The following TMC5 variants were observed in gnomAD, a reference collection of about 807,000 sequenced individuals.
TMC5 encodes the protein transmembrane channel like 5.
A neutral mutation model predicts 110.5 loss-of-function variants in TMC5; 86 were observed. That is an observed-to-expected ratio of 0.78 (90% CI 0.65 to 0.93). The LOEUF is 0.93. Among genes scored for constraint, TMC5 ranks in the 40% least tolerant of loss-of-function variants. The pLI, the probability that TMC5 is intolerant of heterozygous loss-of-function variation, is 0.00. For missense variants in TMC5, 1,144 were observed against 1,222.8 expected, an observed-to-expected ratio of 0.94 and a Z score of 0.96; for synonymous variants, 455 against 439.5, an observed-to-expected ratio of 1.04 and a Z score of -0.44.
intron 2 of TMC5, among the ~76,000 whole-genome samples, chr16:19,437,441 G>A (rs1490694414): frequency 6.6e-6 from 1 of 152,142 alleles, no homozygotes; most frequent in Non-Finnish European, 1.5e-5. Flanking sequence ...TGCTGTGCAG[G>A]GACACAATAA....
chr16:19,441,172 C>T (rs1043567187), intron 3 of TMC5, among the ~76,000 whole-genome samples: 1 of 152,136 alleles, frequency 6.6e-6, no homozygotes, highest in Non-Finnish European at 1.5e-5. Flanking sequence ...GCTCATAAAT[C>T]CAAACACTTT....
At chr16:19,438,423 A>AAG (rs368486492) in intron 2 of TMC5, among the ~76,000 whole-genome samples, 4,610 of 36,624 alleles carry the variant, frequency 0.13, 148 homozygotes, top group African/African-American at 0.25. Flanking sequence ...AAAGAAAAGA[A>AAG]AAAGAAAGAA....
intron 4 of TMC5, among the ~76,000 whole-genome samples, chr16:19,448,771 A>AATAT (rs556878865): frequency 0.071 from 10,340 of 146,478 alleles, 738 homozygotes; most frequent in African/African-American, 0.18. Context: ...AACATATAAA[A>AATAT]ATAAATATAT....
intron 2 of TMC5, among the ~76,000 whole-genome samples, chr16:19,434,096 T>A (rs57319472): frequency 9.4e-5 from 2 of 21,246 alleles, no homozygotes; most frequent in African/African-American, 3.0e-4. Context: ...TATATATCTA[T>A]AATATATATA....
chr16:19,467,486 A>T lies in TMC5; in HGVS notation c.1637+1253A>T, dbSNP rs146438088. Among the ~76,000 whole-genome samples the T allele has an allele frequency of 1.8e-3, 274 of 152,076 alleles. 3 individuals carry two copies. Among genetic ancestry groups the T allele is most frequent in the African/African-American group, 4.6e-3 (190 of 41,486 alleles). ...AATGTAATTACCACTTTAATTAATT[A>T]ATTAATTTATTTTGAGATGGAGTCT... On this transcript the variant is annotated intron_variant, in intron 9 of 21. Coordinates refer to ENST00000542583, the MANE Select transcript of TMC5 (RefSeq NM_001261841.2).
chr16:19,486,902 G>C, intron 15 of TMC5, 43 bp from the exon 16 acceptor site: 1 of 1,565,590 alleles, frequency 6.4e-7, no homozygotes, highest in Non-Finnish European at 8.8e-7. Flanking sequence ...CCGACTCCTT[G>C]TGTCTCCGCC....
At chr16:19,462,914 GAAAA>G (rs1454901553) in intron 6 of TMC5, among the ~76,000 whole-genome samples, 1 of 146,788 alleles carries the variant, frequency 6.8e-6, no homozygotes, top group Non-Finnish European at 1.5e-5. Context: ...AAAAAAAAAA[GAAAA>G]AGGAAGAAAG....
chr16:19,435,117 T>A (rs1440966851), intron 2 of TMC5, among the ~76,000 whole-genome samples: 3 of 152,186 alleles, frequency 2.0e-5, no homozygotes, highest in Admixed American at 2.0e-4. Context: ...CCCTACCGCT[T>A]TTTTCAACTG....
chr16:19,467,909 T>C (rs1226041569), intron 9 of TMC5, among the ~76,000 whole-genome samples: 1 of 152,306 alleles, frequency 6.6e-6, no homozygotes, highest in South Asian at 2.1e-4. Context: ...ACTGCCAGCA[T>C]ACTAATTCAA....
chr16:19,446,796 A>G (rs1035373848), intron 4 of TMC5, among the ~76,000 whole-genome samples: 3 of 152,162 alleles, frequency 2.0e-5, no homozygotes, highest in Admixed American at 6.5e-5. Context: ...TACTTAAAAA[A>G]CAAAAAAAGC....
rs1258677470 is a variant in TMC5 at position 19,460,508 on chromosome 16, T to C, written c.1148+174T>C. On this transcript the variant is annotated intron_variant, in intron 6 of 21. Transcript: ENST00000542583. Reference sequence around the variant, plus strand: ...TACTCCTTTCTCCAGGGGCTACAGCTTAATTCCTGCTCCTGGGCTGGAGTG... The same window carrying C: ...TACTCCTTTCTCCAGGGGCTACAGCCTAATTCCTGCTCCTGGGCTGGAGTG... Among the ~76,000 whole-genome samples the C allele has an allele frequency of 2.0e-5, 3 of 152,166 alleles. No individual in the cohort carries two copies. The East Asian group carries it at 5.8e-4, about 29-fold the overall frequency.
At chr16:19,466,513 C>T (rs1346654614) in intron 9 of TMC5, among the ~76,000 whole-genome samples, 2 of 151,998 alleles carry the variant, frequency 1.3e-5, no homozygotes, top group African/African-American at 2.4e-5. Flanking sequence ...CACCACGCCC[C>T]GCTAATGTTT....
At chr16:19,453,360 G>A (rs55802597) in intron 5 of TMC5, among the ~76,000 whole-genome samples, 10,703 of 151,922 alleles carry the variant, frequency 0.07, 764 homozygotes, top group African/African-American at 0.19. Flanking sequence ...AGGCCTAGGC[G>A]GGTGGATCAC....
chr16:19,452,111 A>G (rs1465117318), intron 5 of TMC5, among the ~76,000 whole-genome samples: 1 of 152,144 alleles, frequency 6.6e-6, no homozygotes, highest in East Asian at 1.9e-4. Flanking sequence ...AGAACTTCTG[A>G]CCAACCAGCT....
chr16:19,458,855 C>T (rs1379687196), intron 5 of TMC5, among the ~76,000 whole-genome samples: 1 of 152,102 alleles, frequency 6.6e-6, no homozygotes, highest in Non-Finnish European at 1.5e-5. Flanking sequence ...TATTTCCCGG[C>T]GGGCCATTCT....
chr16:19,467,661 T>C (rs1349674140), intron 9 of TMC5, among the ~76,000 whole-genome samples: 1 of 152,056 alleles, frequency 6.6e-6, no homozygotes, highest in African/African-American at 2.4e-5. Flanking sequence ...TTTGTAATTT[T>C]ATTAGAAACG....
chr16:19,471,669 G>A (rs1968345512), intron 10 of TMC5, among the ~76,000 whole-genome samples: 1 of 152,146 alleles, frequency 6.6e-6, no homozygotes, highest in Non-Finnish European at 1.5e-5. Context: ...CATGTCTCTG[G>A]ATGTGGCAAG....
chr16:19,494,110 C>T, intron 19 of TMC5, 152 bp from the exon 20 acceptor site: 1 of 629,136 alleles, frequency 1.6e-6, no homozygotes, highest in Non-Finnish European at 2.8e-6. Flanking sequence ...TGTTTCTTTT[C>T]TTTCACCAAA....
intron 2 of TMC5, among the ~76,000 whole-genome samples, chr16:19,434,608 GC>G (rs1967301722): frequency 1.3e-5 from 2 of 151,512 alleles, no homozygotes. Context: ...ACAGATGTGA[GC>G]CATCATGCCT....
Sources: allele counts gnomAD v4.1 joint callset (sites outside exome capture counted in the v4.1 genomes callset), GRCh38; gene constraint gnomAD v4.1.1; transcripts MANE v1.5; gene names NCBI Gene and HGNC (gene_info 2026-07-23, HGNC 2026-07-21).